The following SETBP1 variants were observed in gnomAD, a reference collection of about 807,000 sequenced individuals.
The protein encoded by SETBP1 is SET binding protein 1, also known as SET-binding protein.
Under a neutral mutation model 101.0 loss-of-function variants are expected in SETBP1, and 9 were observed. That is an observed-to-expected ratio of 0.09 (90% CI 0.05 to 0.16). SETBP1 has a LOEUF of 0.16. SETBP1 is among the 10% of genes least tolerant of loss of function. The probability of loss-of-function intolerance (pLI) is 1.00; values close to 1 mark genes in which losing one functional copy is unlikely to be tolerated. For synonymous variants in SETBP1, 818 were observed against 788.5 expected, an observed-to-expected ratio of 1.04 and a Z score of -0.63; for missense variants, 1,858 against 2,033.8, an observed-to-expected ratio of 0.91 and a Z score of 1.66.
At chr18:44,976,572 T>G (rs186438661) in intron 4 of SETBP1, among the ~76,000 whole-genome samples, 3 of 152,152 alleles carry the variant, frequency 2.0e-5, no homozygotes, top group Admixed American at 2.0e-4. Flanking sequence ...GTGACCCAGG[T>G]ACATGTCCTC....
intron 3 of SETBP1, among the ~76,000 whole-genome samples, chr18:44,948,119 C>T (rs1348837871): frequency 2.0e-5 from 3 of 152,142 alleles, no homozygotes; most frequent in African/African-American, 4.8e-5. Context: ...CTCAAGTGGT[C>T]GGATTAATTC....
intron 5 of SETBP1, among the ~76,000 whole-genome samples, chr18:45,059,365 CATA>C (rs2073856477): frequency 6.6e-6 from 1 of 152,190 alleles, no homozygotes; most frequent in South Asian, 2.1e-4. Context: ...ATAGTAGTTA[CATA>C]ATATCATGAA....
At chr18:44,698,321 T>C (rs1029009616) in intron 1 of SETBP1, among the ~76,000 whole-genome samples, 1 of 152,206 alleles carries the variant, frequency 6.6e-6, no homozygotes, top group Admixed American at 6.5e-5. Flanking sequence ...AGATTTGATA[T>C]TATTCCTTCT....
chr18:45,015,115 T>A (rs1352766682), intron 4 of SETBP1, among the ~76,000 whole-genome samples: 5 of 152,074 alleles, frequency 3.3e-5, no homozygotes, highest in African/African-American at 4.8e-5. Context: ...TTTTTCGGGG[T>A]CCAAGGCACA....
At chr18:44,953,541 G>A (rs759803372) in intron 4 of SETBP1, among the ~76,000 whole-genome samples, 5 of 152,188 alleles carry the variant, frequency 3.3e-5, no homozygotes, top group Non-Finnish European at 7.3e-5. Flanking sequence ...CTTCTCTCCT[G>A]GAGCCATTGT....
chr18:44,707,387 T>G (rs567545337), intron 2 of SETBP1, among the ~76,000 whole-genome samples: 101 of 152,384 alleles, frequency 6.6e-4, no homozygotes, highest in Non-Finnish European at 1.0e-3. Context: ...CTTACAAATT[T>G]TATTTGCTTT....
chr18:44,887,144 G>A (rs2069666951), intron 3 of SETBP1, among the ~76,000 whole-genome samples: 1 of 152,056 alleles, frequency 6.6e-6, no homozygotes, highest in Non-Finnish European at 1.5e-5. Context: ...TGTCAAGTGG[G>A]GACATGAACT....
chr18:45,051,032 T>C (rs2073712189), intron 5 of SETBP1, among the ~76,000 whole-genome samples: 2 of 152,182 alleles, frequency 1.3e-5, no homozygotes, highest in African/African-American at 4.8e-5. Context: ...TTCATTTTGT[T>C]GTGTAATTAA....
intron 2 of SETBP1, among the ~76,000 whole-genome samples, chr18:44,802,564 G>C (rs558916866): frequency 6.6e-6 from 1 of 152,142 alleles, no homozygotes; most frequent in African/African-American, 2.4e-5. Context: ...TTAGATTCCA[G>C]GTGTATCTTC....
chr18:44,687,327 A>C (rs1472029927), intron 1 of SETBP1, among the ~76,000 whole-genome samples: 1 of 152,198 alleles, frequency 6.6e-6, no homozygotes, highest in Non-Finnish European at 1.5e-5. Context: ...GGATTTCTTA[A>C]AGGTCAGAGC....
chr18:44,775,348 C>A (rs2070976053), intron 2 of SETBP1, among the ~76,000 whole-genome samples: 3 of 152,128 alleles, frequency 2.0e-5, no homozygotes, highest in Non-Finnish European at 2.9e-5. Context: ...CTGCAGTTAG[C>A]AGGATGTAGA....
At chr18:44,816,021 C>T (rs1259157724) in intron 2 of SETBP1, among the ~76,000 whole-genome samples, 1 of 152,094 alleles carries the variant, frequency 6.6e-6, no homozygotes, top group Non-Finnish European at 1.5e-5. Context: ...ATTTGATTCC[C>T]CAAATCAATA....
At chr18:45,029,093 A>G (rs1288343572) in intron 4 of SETBP1, among the ~76,000 whole-genome samples, 2 of 152,196 alleles carry the variant, frequency 1.3e-5, no homozygotes, top group Admixed American at 6.5e-5. Context: ...GCCCATGCCT[A>G]TGTCCTGAGT....
At chr18:44,976,928 A>G (rs1256620938) in intron 4 of SETBP1, among the ~76,000 whole-genome samples, 2 of 152,232 alleles carry the variant, frequency 1.3e-5, no homozygotes, top group African/African-American at 4.8e-5. Flanking sequence ...TAAGAACTAT[A>G]CGCTTCAGTT....
rs369616385 is a variant in SETBP1 at position 44,814,178 on chromosome 18, A to G, written c.487-55052A>G. 7.9e-5 allele frequency among the ~76,000 whole-genome samples: 12 copies of G among 152,300 alleles called. No homozygotes were observed. The East Asian group carries it at 1.9e-3, about 24-fold the overall frequency. On this transcript the variant is annotated intron_variant, in intron 2 of 5. Coordinates refer to ENST00000649279, the MANE Select transcript of SETBP1 (RefSeq NM_015559.3). ...GGGGAAGGTTGGTACAGAGAACCAC[A>G]CTCATGAACAGAGAGTAGAATCTTC...
At chr18:44,885,684 A>G (rs1373974881) in intron 3 of SETBP1, among the ~76,000 whole-genome samples, 2 of 151,752 alleles carry the variant, frequency 1.3e-5, no homozygotes, top group African/African-American at 4.8e-5. Context: ...CTCGGAAAGT[A>G]AACATTTCAC....
chr18:45,010,666 A>G (rs1266068842), intron 4 of SETBP1, among the ~76,000 whole-genome samples: 1 of 152,242 alleles, frequency 6.6e-6, no homozygotes, highest in African/African-American at 2.4e-5. Flanking sequence ...ATTTACAACT[A>G]ACTGAAAACA....
chr18:44,996,671 G>A (rs1408310913), intron 4 of SETBP1, among the ~76,000 whole-genome samples: 1 of 152,216 alleles, frequency 6.6e-6, no homozygotes, highest in Non-Finnish European at 1.5e-5. Flanking sequence ...GGATAGAGCA[G>A]TAGGTACTAG....
chr18:44,835,091 C>T (rs531777709), intron 2 of SETBP1, among the ~76,000 whole-genome samples: 1 of 152,008 alleles, frequency 6.6e-6, no homozygotes, highest in East Asian at 1.9e-4. Context: ...CTAGAGGGAG[C>T]CATTGAAGAG....
Sources: allele counts gnomAD v4.1 joint callset (sites outside exome capture counted in the v4.1 genomes callset), GRCh38; gene constraint gnomAD v4.1.1; transcripts MANE v1.5; gene names NCBI Gene and HGNC (gene_info 2026-07-23, HGNC 2026-07-21).